The following RFX7 variants were observed in gnomAD, a reference collection of about 807,000 sequenced individuals.
RFX7 encodes the protein regulatory factor X7.
RFX7 carries 26 observed loss-of-function variants against 111.8 expected under a neutral mutation model. That is an observed-to-expected ratio of 0.23 (90% CI 0.17 to 0.32). RFX7 has a LOEUF of 0.32. Ranked by LOEUF, RFX7 falls within the 10% of genes least tolerant of loss-of-function variation. The pLI, the probability that RFX7 is intolerant of heterozygous loss-of-function variation, is 1.00. For synonymous variants in RFX7, 624 were observed against 624.4 expected (o/e 1.00, Z 0.01); for missense variants, 1,573 against 1,772.9 (o/e 0.89, Z 2.02).
intron 6 of RFX7, among the ~76,000 whole-genome samples, chr15:56,102,907 T>C (rs1372717659): frequency 1.3e-5 from 2 of 152,230 alleles, no homozygotes; most frequent in Non-Finnish European, 2.9e-5. Flanking sequence ...GTAATTCTAA[T>C]ATGATACAGA....
intron 2 of RFX7, among the ~76,000 whole-genome samples, chr15:56,184,854 A>G (rs2043020958): frequency 6.6e-6 from 1 of 152,190 alleles, no homozygotes; most frequent in South Asian, 2.1e-4. Flanking sequence ...TAGCTTATAA[A>G]GACAGAAGTT....
At chr15:56,127,600 T>A (rs1251140762) in intron 5 of RFX7, among the ~76,000 whole-genome samples, 1 of 149,444 alleles carries the variant, frequency 6.7e-6, no homozygotes. Context: ...CAGGCTGGAG[T>A]GCAGTGGCGC....
intron 2 of RFX7, among the ~76,000 whole-genome samples, chr15:56,218,892 G>A (rs1356159304): frequency 1.3e-5 from 2 of 152,070 alleles, no homozygotes; most frequent in Non-Finnish European, 2.9e-5. Flanking sequence ...AGATAACAGA[G>A]AGATCGAATT....
chr15:56,199,896 C>A (rs746875290), intron 2 of RFX7, among the ~76,000 whole-genome samples: 20 of 152,112 alleles, frequency 1.3e-4, no homozygotes, highest in Non-Finnish European at 2.9e-4. Context: ...TCTAGTCTAA[C>A]CCTTTCATTT....
upstream of RFX7, chr15:56,244,008 G>T (rs1395526414): frequency 6.7e-6 from 1 of 148,400 alleles, no homozygotes; most frequent in Non-Finnish European, 1.5e-5. Flanking sequence ...GCGGGCCAGC[G>T]GGCCAGGGAA....
chr15:56,167,153 A>C (rs987426076), intron 3 of RFX7, among the ~76,000 whole-genome samples: 1 of 151,522 alleles, frequency 6.6e-6, no homozygotes, highest in African/African-American at 2.4e-5. Flanking sequence ...AAAAAACAAA[A>C]TTTTTTTTGC....
At chr15:56,151,159 C>T (rs1395058918) in intron 3 of RFX7, among the ~76,000 whole-genome samples, 2 of 152,186 alleles carry the variant, frequency 1.3e-5, no homozygotes, top group Non-Finnish European at 2.9e-5. Context: ...TCCAGAACTT[C>T]TCCAACCGAG....
intron 3 of RFX7, among the ~76,000 whole-genome samples, chr15:56,165,474 T>C (rs1595981060): frequency 6.6e-6 from 1 of 152,192 alleles, no homozygotes; most frequent in Non-Finnish European, 1.5e-5. Flanking sequence ...TAACCCCACA[T>C]CATTTTTCAA....
intron 3 of RFX7, among the ~76,000 whole-genome samples, chr15:56,178,148 A>C (rs1244126108): frequency 8.8e-5 from 13 of 147,890 alleles, no homozygotes; most frequent in South Asian, 6.5e-4. Context: ...AAAAAAAAAA[A>C]CTCGAAAACC....
chr15:56,203,272 G>A (rs1262031802), intron 2 of RFX7, among the ~76,000 whole-genome samples: 1 of 152,174 alleles, frequency 6.6e-6, no homozygotes, highest in Non-Finnish European at 1.5e-5. Flanking sequence ...CCGTATTCTA[G>A]AAGTACACTT....
At chr15:56,215,787 T>C (rs1271129993) in intron 2 of RFX7, among the ~76,000 whole-genome samples, 3 of 152,230 alleles carry the variant, frequency 2.0e-5, no homozygotes, top group Admixed American at 1.3e-4. Context: ...TTTTATCTAA[T>C]AGTTTCTGTG....
In RFX7 at chr15:56,095,752, C is replaced by T. The variant is rs1288018809; in HGVS notation, c.1976G>A (p.Arg659Gln). The T allele has an allele frequency of 6.2e-7, 1 of 1,613,854 alleles. No individual in the cohort carries two copies. Among genetic ancestry groups the T allele is most frequent in the Non-Finnish European group, 8.5e-7 (1 of 1,179,850 alleles). The stretch of plus-strand genomic sequence containing the variant: ...GGTCTCCTGCAATGTAGAAGACAGT[C>T]GTTTTCTTGGGCTTTTAGTGCATAA... ...PKLCTKSPRK[R>Q]LSSTLQETQV... Residue 659 changes from arginine (R) to glutamine (Q), a missense_variant, in exon 10 of 10, where the codon CGA becomes CAA. Around this residue, in one of 7 missense-constraint regions of RFX7, gnomAD observed 625 missense variants for 632.2 expected, o/e 0.99. Transcript: ENST00000559447.
chr15:56,155,205 G>T (rs1292156278), intron 3 of RFX7, among the ~76,000 whole-genome samples: 1 of 152,178 alleles, frequency 6.6e-6, no homozygotes, highest in African/African-American at 2.4e-5. Context: ...AACCATTGCG[G>T]AAGACAGTAT....
intron 2 of RFX7, among the ~76,000 whole-genome samples, chr15:56,209,711 T>A (rs1466112815): frequency 2.0e-5 from 3 of 152,088 alleles, no homozygotes; most frequent in Admixed American, 2.0e-4. Context: ...TATAATGTAT[T>A]CACAGTACCT....
chr15:56,225,837 A>G (rs1190514630), intron 2 of RFX7, among the ~76,000 whole-genome samples: 2 of 152,198 alleles, frequency 1.3e-5, no homozygotes, highest in Non-Finnish European at 2.9e-5. Flanking sequence ...GGCTAATCAC[A>G]TATTTTCTTA....
chr15:56,137,393 T>C (rs1225164643), intron 5 of RFX7, among the ~76,000 whole-genome samples: 3 of 152,214 alleles, frequency 2.0e-5, no homozygotes, highest in Non-Finnish European at 4.4e-5. Context: ...ATTTTCTAGT[T>C]TATTTGCGTA....
intron 5 of RFX7, among the ~76,000 whole-genome samples, chr15:56,116,004 A>C (rs975181610): frequency 3.9e-5 from 6 of 152,216 alleles, no homozygotes; most frequent in Non-Finnish European, 7.3e-5. Context: ...ATCGACAGTA[A>C]CTACCTATAG....
upstream of RFX7, among the ~76,000 whole-genome samples, chr15:56,245,065 C>T (rs555778710): frequency 1.6e-4 from 24 of 152,270 alleles, no homozygotes; most frequent in African/African-American, 5.3e-4. Context: ...TATCAGGTTT[C>T]TACCTGTTAG....
chr15:56,114,427 A>C (rs1447541854), intron 5 of RFX7, among the ~76,000 whole-genome samples: 1 of 150,082 alleles, frequency 6.7e-6, no homozygotes, highest in Non-Finnish European at 1.5e-5. Flanking sequence ...AAAAAAAAAA[A>C]CAAACAACAA....
Sources: allele counts gnomAD v4.1 joint callset (sites outside exome capture counted in the v4.1 genomes callset), GRCh38; gene constraint gnomAD v4.1.1; regional missense constraint gnomAD v4.1.1; transcripts MANE v1.5; gene names NCBI Gene and HGNC (gene_info 2026-07-23, HGNC 2026-07-21).